ADGRL2: variants seen among roughly 807,000 people sequenced by gnomAD.
The protein encoded by ADGRL2 is calcium-independent alpha-latrotoxin receptor 2.
In ADGRL2, 44 loss-of-function variants were observed where a neutral mutation model predicts 157.4. The observed-to-expected ratio is 0.28, with a 90% CI of 0.22 to 0.36. The LOEUF (loss-of-function observed/expected upper bound fraction) is 0.36. Ranked by LOEUF, ADGRL2 falls within the 10% of genes least tolerant of loss-of-function variation. The pLI, the probability that ADGRL2 is intolerant of heterozygous loss-of-function variation, is 1.00. For synonymous variants in ADGRL2, 585 were observed against 624.7 expected, an observed-to-expected ratio of 0.94 and a Z score of 0.95; for missense variants, 1,510 against 1,768.9, an observed-to-expected ratio of 0.85 and a Z score of 2.63.
intron 3 of ADGRL2, among the ~76,000 whole-genome samples, chr1:81,678,572 T>C (rs2083043272): frequency 6.6e-6 from 1 of 152,184 alleles, no homozygotes. Flanking sequence ...TCCTGGAAAA[T>C]ACACATTTCA....
intron 17 of ADGRL2, among the ~76,000 whole-genome samples, chr1:81,978,740 A>G (rs1219170591): frequency 6.6e-6 from 1 of 151,784 alleles, no homozygotes; most frequent in Non-Finnish European, 1.5e-5. Context: ...TAGTGTTACC[A>G]TTTGATCATG....
At chr1:81,649,031 A>G (rs1282476093) in intron 3 of ADGRL2, among the ~76,000 whole-genome samples, 1 of 152,124 alleles carries the variant, frequency 6.6e-6, no homozygotes, top group African/African-American at 2.4e-5. Flanking sequence ...GCAAGCCAGG[A>G]GATCATTTTT....
In ADGRL2 at chr1:81,981,956, C is replaced by T; in HGVS notation, c.3262C>T (p.His1088Tyr). 1 of 1,611,736 alleles carries T rather than the reference C, an allele frequency of 6.2e-7. No homozygotes were observed. Among genetic ancestry groups the T allele is most frequent in the Non-Finnish European group, 8.5e-7 (1 of 1,178,690 alleles). Residue 1088 changes from histidine (H) to tyrosine (Y), a missense_variant, in exon 19 of 24, where the codon CAC becomes TAC. Transcript: ENST00000686636. ...AFQGVFIFIF[H>Y]CALQKKVRKE... ...CCAGGGAGTGTTCATTTTCATCTTT[C>T]ACTGTGCTCTCCAAAAGAAAGTAAG...
At chr1:81,653,316 T>TA (rs1182069269) in intron 3 of ADGRL2, among the ~76,000 whole-genome samples, 14 of 88,812 alleles carry the variant, frequency 1.6e-4, no homozygotes, top group African/African-American at 6.9e-4. Flanking sequence ...GATAAACCTT[T>TA]AGGGTTTTTT....
intron 1 of ADGRL2, among the ~76,000 whole-genome samples, chr1:81,333,285 T>G (rs572797300): frequency 1.7e-4 from 26 of 152,174 alleles, no homozygotes; most frequent in African/African-American, 6.0e-4. Context: ...CTGAAAAAAA[T>G]GTAGAATTAC....
At chr1:81,546,193 T>C (rs1168707158) in intron 2 of ADGRL2, among the ~76,000 whole-genome samples, 2 of 152,202 alleles carry the variant, frequency 1.3e-5, no homozygotes, top group South Asian at 2.1e-4. Flanking sequence ...TGAATTTCAA[T>C]TGTGACTATC....
chr1:81,394,956 T>G (rs1052492077), intron 1 of ADGRL2, among the ~76,000 whole-genome samples: 36 of 152,092 alleles, frequency 2.4e-4, no homozygotes, highest in African/African-American at 8.4e-4. Flanking sequence ...CAGAGTGCAG[T>G]GTCACGATCT....
At chr1:81,610,679 GC>G (rs2148667974) in intron 3 of ADGRL2, among the ~76,000 whole-genome samples, 1 of 152,262 alleles carries the variant, frequency 6.6e-6, no homozygotes, top group South Asian at 2.1e-4. Context: ...CACTTAGGAA[GC>G]TTTTGTGGTC....
chr1:81,448,835 T>A (rs914637324), intron 2 of ADGRL2, among the ~76,000 whole-genome samples: 2 of 152,182 alleles, frequency 1.3e-5, no homozygotes, highest in African/African-American at 2.4e-5. Flanking sequence ...TGGAGACTAT[T>A]TTTCTTACCA....
chr1:81,491,583 G>A (rs2078634410), intron 2 of ADGRL2, among the ~76,000 whole-genome samples: 1 of 152,142 alleles, frequency 6.6e-6, no homozygotes, highest in Non-Finnish European at 1.5e-5. Context: ...AATTGGAAGA[G>A]AGAAAAACTG....
chr1:81,729,910 A>G (rs1216808479), intron 1 of ADGRL2, among the ~76,000 whole-genome samples: 1 of 152,184 alleles, frequency 6.6e-6, no homozygotes, highest in South Asian at 2.1e-4. Context: ...TCCTATTCAG[A>G]TATATCCTCA....
At chr1:81,652,437 C>T (rs1029118585) in intron 3 of ADGRL2, among the ~76,000 whole-genome samples, 3 of 151,770 alleles carry the variant, frequency 2.0e-5, no homozygotes, top group African/African-American at 7.3e-5. Flanking sequence ...TAAATAACAC[C>T]TGAACAATTA....
Position 81,985,327 on chromosome 1 carries a change from C to T in ADGRL2, c.3480C>T (p.Asp1160=), listed in dbSNP as rs375360671. The stretch of plus-strand genomic sequence containing the variant: ...CAGAATCTTCTTTTATCTCAGGTGA[C>T]ATCAATAGCACTTCAACACTTAATC... ...KQSESSFISG[D]INSTSTLNQG... is the part of the protein sequence containing the mutation. Residue 1160 remains aspartate (D), a synonymous_variant, in exon 21 of 24, where the codon GAC becomes GAT. Transcript: ENST00000686636. 2.5e-6 allele frequency: 4 copies of T among 1,604,366 alleles called. No homozygotes were observed. The African/African-American group carries it at 5.4e-5, about 22-fold the overall frequency.
At chr1:81,553,842 G>A (rs997601882) in intron 2 of ADGRL2, among the ~76,000 whole-genome samples, 8 of 152,214 alleles carry the variant, frequency 5.3e-5, no homozygotes, top group Non-Finnish European at 1.2e-4. Context: ...GAAAGCCAGA[G>A]AGAGGCAAAA....
intron 2 of ADGRL2, among the ~76,000 whole-genome samples, chr1:81,518,074 A>C (rs2079222069): frequency 1.3e-5 from 2 of 152,250 alleles, no homozygotes; most frequent in South Asian, 4.1e-4. Flanking sequence ...AATTGAGACT[A>C]GGTTTTTAGC....
At chr1:81,802,847 G>A (rs1254490939) in intron 1 of ADGRL2, among the ~76,000 whole-genome samples, 1 of 152,106 alleles carries the variant, frequency 6.6e-6, no homozygotes, top group Non-Finnish European at 1.5e-5. Context: ...TCAGTGGTTA[G>A]GTGGTGTGGG....
intron 2 of ADGRL2, among the ~76,000 whole-genome samples, chr1:81,901,130 T>C (rs2094477752): frequency 6.6e-6 from 1 of 152,180 alleles, no homozygotes; most frequent in Non-Finnish European, 1.5e-5. Flanking sequence ...AAAACATTTA[T>C]AAGATACATA....
intron 6 of ADGRL2, among the ~76,000 whole-genome samples, chr1:81,944,824 A>G (rs2148977126): frequency 6.6e-6 from 1 of 152,212 alleles, no homozygotes; most frequent in East Asian, 1.9e-4. Context: ...TTCATAACAA[A>G]CACATACCCA....
Position 81,505,255 on chromosome 1 carries a change from G to A in ADGRL2, c.-248+60166G>A, listed in dbSNP as rs879101677. On this transcript the variant is annotated intron_variant, in intron 2 of 24. Transcript: ENST00000370721. ...CATCTCCCGAGGGCTGACCTCCTCT[G>A]GCCTCAGCCTGCAGGGTGTGGGCAG... The A allele has an allele frequency of 6.6e-5, 35 of 533,880 alleles. 1 individual carries two copies. The highest frequency in any genetic ancestry group is 5.2e-4 in the Middle Eastern group (1 of 1,938). 33.1% of individuals were successfully genotyped at this position (533,880 alleles called of 1,614,324 possible). A position where few individuals can be genotyped will look rare whatever the true frequency, so the allele number is the denominator to read the frequency against.
Sources: allele counts gnomAD v4.1 joint callset (sites outside exome capture counted in the v4.1 genomes callset), GRCh38; gene constraint gnomAD v4.1.1; transcripts MANE v1.5; gene names NCBI Gene and HGNC (gene_info 2026-07-23, HGNC 2026-07-21).